Variants in USP24 observed in about 807,000 individuals in gnomAD.
USP24 encodes the protein ubiquitin carboxyl-terminal hydrolase 24.
In USP24, 97 loss-of-function variants were observed where a neutral mutation model predicts 361.6. The ratio of observed to expected loss-of-function variants is 0.27; its 90% CI spans 0.23 to 0.32. USP24 has a LOEUF of 0.32. USP24 is among the 10% of genes least tolerant of loss of function. The pLI, the probability that USP24 is intolerant of heterozygous loss-of-function variation, is 1.00. For missense variants in USP24, 2,353 were observed against 3,165.6 expected (o/e 0.74, Z 6.16); for synonymous variants, 1,098 against 1,124.6 (o/e 0.98, Z 0.47).
At chr1:55,146,870 G>C in intron 19 of USP24, 59 bp downstream of exon 19, 1 of 1,595,258 alleles carries the variant, frequency 6.3e-7, no homozygotes, top group Non-Finnish European at 8.6e-7. Flanking sequence ...GAGACACACA[G>C]AAAAAGTGAA....
At chr1:55,200,989 T>C (rs1425800561) in intron 1 of USP24, among the ~76,000 whole-genome samples, 3 of 152,200 alleles carry the variant, frequency 2.0e-5, no homozygotes, top group Non-Finnish European at 2.9e-5. Flanking sequence ...ACATCCAAAA[T>C]TGTATACATT....
Position 55,214,997 on chromosome 1 carries a change from T to G in USP24, c.117A>C (p.Ala39=). The G allele has an allele frequency of 1.0e-5, 15 of 1,462,294 alleles. No individual in the cohort carries two copies. The highest frequency in any genetic ancestry group is 1.4e-5 in the Non-Finnish European group (15 of 1,105,590). The allele number at this position is 1,462,294 out of a possible 1,614,324, so 90.6% of individuals were successfully genotyped here. A position where few individuals can be genotyped will look rare whatever the true frequency, so the allele number is the denominator to read the frequency against. ...GGCCCGGCCGCTCGTTGGTGAGCAG[T>G]GCCACGGCCTCGTTAATGTCGTTCT... ...LAKNDINEAV[A]LLTNERPGLD... is the part of the protein sequence containing the mutation. The change falls in exon 1 of 68, where the codon GCA becomes GCC. Residue 39 remains alanine, a synonymous_variant. Coordinates refer to ENST00000294383, the MANE Select transcript of USP24 (RefSeq NM_015306.3).
chr1:55,078,616 G>C lies in USP24; in HGVS notation c.7236C>G (p.Leu2412=), dbSNP rs529199378. Residue 2412 remains leucine (L), a synonymous_variant, in exon 61 of 68, where the codon CTC becomes CTG. Transcript: ENST00000294383. The part of the protein sequence containing the change: ...MFALRELTGS[L]LALIEMVVYC... ...ACACTACCATCTCAATGAGTGCCAA[G>C]AGCGAGCCTGTCAGCTCCCGCAAAG... The C allele has an allele frequency of 1.2e-6, 2 of 1,610,986 alleles. No homozygotes were observed. Among genetic ancestry groups the C allele is most frequent in the African/African-American group, 1.3e-5 (1 of 74,944 alleles).
intron 5 of USP24, among the ~76,000 whole-genome samples, chr1:55,169,346 T>C (rs910584307): frequency 7.2e-5 from 11 of 151,970 alleles, no homozygotes; most frequent in Admixed American, 7.2e-4. Context: ...AATGAGTCAG[T>C]CTAACATGTA....
At chr1:55,214,735 C>G in intron 1 of USP24, 55 bp downstream of exon 1, 1 of 1,148,882 alleles carries the variant, frequency 8.7e-7, no homozygotes, top group Non-Finnish European at 1.1e-6. Context: ...GTGTCCCCTC[C>G]CAGGAACTCC....
At chr1:55,102,411 C>T (rs1312845382) in intron 42 of USP24, among the ~76,000 whole-genome samples, 1 of 152,156 alleles carries the variant, frequency 6.6e-6, no homozygotes, top group East Asian at 1.9e-4. Flanking sequence ...CAACATGGCA[C>T]TTCTTCAAGT....
chr1:55,141,316 G>A (rs1646882814), intron 24 of USP24, among the ~76,000 whole-genome samples: 1 of 152,032 alleles, frequency 6.6e-6, no homozygotes, highest in South Asian at 2.1e-4. Context: ...ATACTACATA[G>A]AATAAAAGTA....
chr1:55,080,554 G>A (rs751581616), intron 59 of USP24, among the ~76,000 whole-genome samples: 7 of 152,058 alleles, frequency 4.6e-5, no homozygotes, highest in Middle Eastern at 3.2e-3. Flanking sequence ...GGTTTGTTAC[G>A]GGGATCAAAC....
chr1:55,214,361 A>G (rs1202859827), intron 1 of USP24, among the ~76,000 whole-genome samples: 1 of 151,606 alleles, frequency 6.6e-6, no homozygotes. Flanking sequence ...CTCGTGCCAC[A>G]AAATCTCCGA....
intron 16 of USP24, chr1:55,152,100 T>C (rs2100733017): frequency 1.9e-6 from 1 of 533,844 alleles, no homozygotes; most frequent in African/African-American, 2.1e-5. Flanking sequence ...ATGTGTACTT[T>C]GTAAAAGTCC....
At chr1:55,080,197 T>C (rs1645121846) in intron 59 of USP24, among the ~76,000 whole-genome samples, 1 of 152,156 alleles carries the variant, frequency 6.6e-6, no homozygotes, top group Non-Finnish European at 1.5e-5. Context: ...AAAACCAGAA[T>C]GCATACTTTA....
Position 55,144,656 on chromosome 1 carries a change from C to T in USP24, c.2363-453G>A, listed in dbSNP as rs552660893. Among the ~76,000 whole-genome samples the T allele has an allele frequency of 4.6e-5, 7 of 152,172 alleles. No homozygotes were observed. In the South Asian group the frequency reaches 8.3e-4, roughly 18 times the overall value. ...GCACATTAAAACCATTAGATTTGGC[C>T]GGGTGCGGTGGCTCAAGCCTGTAAT... On this transcript the variant is annotated intron_variant, in intron 20 of 67. Coordinates refer to ENST00000294383, the MANE Select transcript of USP24 (RefSeq NM_015306.3).
chr1:55,108,765 T>C (rs1310477018), intron 39 of USP24, among the ~76,000 whole-genome samples: 1 of 152,206 alleles, frequency 6.6e-6, no homozygotes, highest in Admixed American at 6.5e-5. Flanking sequence ...ATTCCTGTCC[T>C]TGCTGCAGAG....
At position 55,146,011 on chromosome 1, in the gene USP24, T is replaced by A; in HGVS notation, c.2349A>T (p.Glu783Asp). The change falls in exon 20 of 68, where the codon GAA becomes GAT. Residue 783 changes from glutamate to aspartate, a missense_variant. Coordinates refer to ENST00000294383, the MANE Select transcript of USP24 (RefSeq NM_015306.3). ...KEKILKLESY[E>D]ITMNGFNLFK... ...GTTTTTTCCTACCATTCATAGTGAT[T>A]TCATATGACTCCAATTTAAGAATTT... is the stretch of plus-strand genomic sequence containing the variant. 6.2e-7 allele frequency: 1 copy of A among 1,611,106 alleles called. No individual in the cohort carries two copies. The highest frequency in any genetic ancestry group is 8.5e-7 in the Non-Finnish European group (1 of 1,178,076).
At chr1:55,208,751 C>G (rs1206679969) in intron 1 of USP24, among the ~76,000 whole-genome samples, 1 of 152,018 alleles carries the variant, frequency 6.6e-6, no homozygotes, top group Non-Finnish European at 1.5e-5. Flanking sequence ...GCCTGGCCAA[C>G]ATGGTGAAAC....
chr1:55,114,105 G>T (rs1413034971), intron 38 of USP24, among the ~76,000 whole-genome samples: 2 of 151,244 alleles, frequency 1.3e-5, no homozygotes, highest in Admixed American at 6.6e-5. Flanking sequence ...TCCTATACAC[G>T]AATAATAGAC....
intron 12 of USP24, among the ~76,000 whole-genome samples, chr1:55,155,272 C>G (rs956256657): frequency 8.5e-5 from 13 of 152,156 alleles, no homozygotes; most frequent in Admixed American, 7.9e-4. Flanking sequence ...TGCTGCAGAG[C>G]TATAGACCCT....
At chr1:55,203,057 C>T (rs1644617362) in intron 1 of USP24, among the ~76,000 whole-genome samples, 1 of 152,094 alleles carries the variant, frequency 6.6e-6, no homozygotes, top group Non-Finnish European at 1.5e-5. Flanking sequence ...TCTTACTGTG[C>T]CCAATTTATA....
chr1:55,175,109 A>ATATATATAT, intron 3 of USP24, among the ~76,000 whole-genome samples: 1 of 151,878 alleles, frequency 6.6e-6, no homozygotes, highest in African/African-American at 2.4e-5. Flanking sequence ...TTTTGCTTCT[A>ATATATATAT]AAATTAATTA....
Sources: allele counts gnomAD v4.1 joint callset (sites outside exome capture counted in the v4.1 genomes callset), GRCh38; gene constraint gnomAD v4.1.1; transcripts MANE v1.5; gene names NCBI Gene and HGNC (gene_info 2026-07-23, HGNC 2026-07-21).